MYH15: variants seen among roughly 807,000 people sequenced by gnomAD.
MYH15 encodes the protein myosin heavy chain 15, also known as myosin-15.
Under a neutral mutation model 240.5 loss-of-function variants are expected in MYH15, and 227 were observed. The observed-to-expected ratio is 0.94, with a 90% CI of 0.85 to 1.05. The LOEUF (loss-of-function observed/expected upper bound fraction) is 1.05, where lower values mean the gene tolerates loss of function less well. Among genes scored for constraint, MYH15 ranks in the 50% least tolerant of loss-of-function variants. The probability of loss-of-function intolerance (pLI) is 0.00; values close to 1 mark genes in which losing one functional copy is unlikely to be tolerated. For synonymous variants in MYH15, 785 were observed against 796.7 expected, an observed-to-expected ratio of 0.99 and a Z score of 0.25; for missense variants, 2,217 against 2,247.5, an observed-to-expected ratio of 0.99 and a Z score of 0.27.
At chr3:108,465,260 C>G (rs952847675) in intron 14 of MYH15, among the ~76,000 whole-genome samples, 3 of 152,184 alleles carry the variant, frequency 2.0e-5, no homozygotes, top group African/African-American at 7.2e-5. Context: ...CTGAGAAGAT[C>G]TGTGCACAAG....
chr3:108,397,552 T>C (rs2082471253), intron 35 of MYH15, among the ~76,000 whole-genome samples: 3 of 152,242 alleles, frequency 2.0e-5, no homozygotes, highest in Non-Finnish European at 2.9e-5. Flanking sequence ...ATTCTGTGTC[T>C]ATACCATCCA....
chr3:108,470,727 G>C lies in MYH15; in HGVS notation c.1354C>G (p.Leu452Val). 1.2e-6 allele frequency: 2 copies of C among 1,613,644 alleles called. No individual in the cohort carries two copies. The highest frequency in any genetic ancestry group is 1.1e-5 in the South Asian group (1 of 91,048). ...KLSRQFFIGI[L>V]DITGFEILEY... Reference sequence around the variant, plus strand: ...AGGATTTCAAAACCAGTGATGTCAAGAATGCCAATGAAGAACTGCCTTGAC... The same window carrying C: ...AGGATTTCAAAACCAGTGATGTCAACAATGCCAATGAAGAACTGCCTTGAC... Residue 452 changes from leucine (L) to valine (V), a missense_variant, in exon 13 of 41, where the codon CTT (leucine) becomes GTT (valine). Coordinates refer to ENST00000693548, the MANE Select transcript of MYH15 (RefSeq NM_014981.3).
At chr3:108,471,392 A>G (rs1420534101) in intron 12 of MYH15, among the ~76,000 whole-genome samples, 2 of 152,086 alleles carry the variant, frequency 1.3e-5, no homozygotes, top group African/African-American at 4.8e-5. Context: ...CTGTAAGCTA[A>G]CAATCCCCAG....
intron 27 of MYH15, among the ~76,000 whole-genome samples, chr3:108,424,381 G>T (rs550202020): frequency 6.6e-6 from 1 of 152,280 alleles, no homozygotes; most frequent in Non-Finnish European, 1.5e-5. Flanking sequence ...CAATTAGATT[G>T]TTTATCTAAC....
At chr3:108,507,567 A>G (rs2083488426) in intron 1 of MYH15, among the ~76,000 whole-genome samples, 2 of 152,106 alleles carry the variant, frequency 1.3e-5, no homozygotes, top group Non-Finnish European at 2.9e-5. Context: ...GAGTGTGTAC[A>G]AAGGAGCTGA....
At chr3:108,542,691 G>A in the MYH15 span, among the ~76,000 whole-genome samples, 1 of 152,008 alleles carries the variant, frequency 6.6e-6, no homozygotes, top group African/African-American at 2.4e-5. Context: ...TCTTCCTGAT[G>A]CTCTCTTGCC....
the MYH15 span, among the ~76,000 whole-genome samples, chr3:108,542,425 C>T: frequency 6.6e-6 from 1 of 152,094 alleles, no homozygotes; most frequent in Non-Finnish European, 1.5e-5. Flanking sequence ...TTCAAGTGTT[C>T]TATAGTTTTG....
chr3:108,476,747 G>A (rs2083224785), intron 11 of MYH15, among the ~76,000 whole-genome samples: 1 of 152,044 alleles, frequency 6.6e-6, no homozygotes, highest in African/African-American at 2.4e-5. Context: ...CAGTTTGTTG[G>A]CATTAAGGAA....
intron 24 of MYH15, among the ~76,000 whole-genome samples, chr3:108,438,304 G>A (rs969448204): frequency 6.6e-6 from 1 of 152,204 alleles, no homozygotes; most frequent in Non-Finnish European, 1.5e-5. Context: ...CTCACTAAAT[G>A]TTCCCCATCA....
At chr3:108,394,218 C>A in intron 35 of MYH15, 62 bp from the exon 36 acceptor site, 2 of 1,601,130 alleles carry the variant, frequency 1.2e-6, no homozygotes, top group South Asian at 2.2e-5. Context: ...GCAAGCTGGT[C>A]TGTTCAGGAC....
At chr3:108,418,960 C>T (rs2082659450) in intron 28 of MYH15, among the ~76,000 whole-genome samples, 1 of 152,150 alleles carries the variant, frequency 6.6e-6, no homozygotes, top group African/African-American at 2.4e-5. Flanking sequence ...GCCATGTTGG[C>T]CAAGCTGGTC....
At chr3:108,511,056 G>C (rs142712524), upstream of MYH15, among the ~76,000 whole-genome samples, 1 of 152,146 alleles carries the variant, frequency 6.6e-6, no homozygotes, top group East Asian at 1.9e-4. Context: ...ATGGAGTTCT[G>C]ACAGGTGGTA....
At chr3:108,448,860 GA>G (rs1381797713) in intron 21 of MYH15, among the ~76,000 whole-genome samples, 3 of 150,546 alleles carry the variant, frequency 2.0e-5, no homozygotes, top group Non-Finnish European at 4.4e-5. Flanking sequence ...ATCTCATGTA[GA>G]AAACCCTAAA....
intron 38 of MYH15, among the ~76,000 whole-genome samples, chr3:108,386,983 AT>A (rs1243586137): frequency 1.3e-5 from 2 of 152,138 alleles, no homozygotes; most frequent in Non-Finnish European, 2.9e-5. Context: ...TTTATAGCAC[AT>A]TTTTCTAGGT....
chr3:108,493,599 T>C (rs1369009995), intron 7 of MYH15, among the ~76,000 whole-genome samples: 1 of 152,192 alleles, frequency 6.6e-6, no homozygotes, highest in African/African-American at 2.4e-5. Flanking sequence ...GGTAACCTTC[T>C]AGGCACTGGA....
chr3:108,493,051 A>C (rs1009309996), intron 8 of MYH15, 63 bp downstream of exon 8: 1 of 1,345,408 alleles, frequency 7.4e-7, no homozygotes, highest in Non-Finnish European at 1.1e-6. Flanking sequence ...GGAAGGAAAG[A>C]GAAGGGAAGG....
chr3:108,420,744 ATT>A (rs754017119), intron 28 of MYH15, among the ~76,000 whole-genome samples: 7 of 152,306 alleles, frequency 4.6e-5, no homozygotes, highest in Non-Finnish European at 1.0e-4. Flanking sequence ...ATTTTAAAAA[ATT>A]TAAATATTCA....
At chr3:108,433,284 C>T (rs532175217) in intron 25 of MYH15, among the ~76,000 whole-genome samples, 55 of 152,320 alleles carry the variant, frequency 3.6e-4, no homozygotes, top group African/African-American at 1.3e-3. Context: ...TTTGGAATGG[C>T]TGTATTTACC....
chr3:108,499,117 C>T (rs2083416884), intron 5 of MYH15, among the ~76,000 whole-genome samples: 1 of 152,160 alleles, frequency 6.6e-6, no homozygotes, highest in South Asian at 2.1e-4. Flanking sequence ...ACGTTCAGCC[C>T]CTCTGCTTAG....
Sources: gnomAD v4.1 joint callset for allele counts (sites outside exome capture counted in the v4.1 genomes callset) on GRCh38, gnomAD v4.1.1 for gene constraint, MANE v1.5 for transcripts, NCBI Gene and HGNC (gene_info 2026-07-23, HGNC 2026-07-21) for gene names.